The following TCAIM variants were observed in gnomAD, a reference collection of about 807,000 sequenced individuals.
TCAIM encodes the protein T-cell activation inhibitor, mitochondrial.
TCAIM carries 36 observed loss-of-function variants against 58.6 expected under a neutral mutation model. The ratio of observed to expected loss-of-function variants is 0.61; its 90% CI spans 0.47 to 0.81. The LOEUF (loss-of-function observed/expected upper bound fraction) is 0.81. Ranked by LOEUF, TCAIM falls within the 30% of genes least tolerant of loss-of-function variation. The probability of loss-of-function intolerance (pLI) is 0.00; values close to 1 mark genes in which losing one functional copy is unlikely to be tolerated. For missense variants in TCAIM, 466 were observed against 579.6 expected (o/e 0.80, Z 2.01); for synonymous variants, 172 against 193.6 (o/e 0.89, Z 0.93).
chr3:44,383,515 A>G (rs1463714297), intron 5 of TCAIM, among the ~76,000 whole-genome samples: 2 of 152,146 alleles, frequency 1.3e-5, no homozygotes, highest in African/African-American at 2.4e-5. Flanking sequence ...GAGACAGAAA[A>G]TAGAACAGCG....
intron 5 of TCAIM, among the ~76,000 whole-genome samples, chr3:44,380,300 AAG>A (rs1025112263): frequency 4.6e-5 from 7 of 152,296 alleles, no homozygotes; most frequent in East Asian, 1.9e-4. Flanking sequence ...TCTACAATAA[AAG>A]AAATATTTAA....
chr3:44,364,023 G>A (rs958823182), intron 4 of TCAIM, among the ~76,000 whole-genome samples: 14 of 142,132 alleles, frequency 9.8e-5, no homozygotes, highest in Non-Finnish European at 1.8e-4. Context: ...CTGCCTCCCA[G>A]GTTCAAGTGA....
intron 4 of TCAIM, among the ~76,000 whole-genome samples, chr3:44,366,291 CT>C (rs781064809): frequency 0.01 from 1,461 of 144,194 alleles, 20 homozygotes; most frequent in African/African-American, 0.03. Flanking sequence ...AAATCAGTAA[CT>C]TTTTTTTTTT....
chr3:44,350,166 T>A (rs1279692309), intron 1 of TCAIM, among the ~76,000 whole-genome samples: 2 of 151,784 alleles, frequency 1.3e-5, no homozygotes, highest in Non-Finnish European at 2.9e-5. Context: ...TTTTATAGGA[T>A]TTGGGTAGGT....
chr3:44,354,710 T>C, intron 1 of TCAIM, 29 bp from the exon 2 acceptor site: 1 of 1,491,832 alleles, frequency 6.7e-7, no homozygotes, highest in South Asian at 1.2e-5. Flanking sequence ...TTCTACTTGT[T>C]CATTTGTGAT....
rs1701157295 is a variant in TCAIM, at chr3:44,354,683, G to A, written c.-44-56G>A. On this transcript the variant is annotated intron_variant, in intron 1 of 10. Transcript: ENST00000342649. ...TTGGGGTGATAATATAAATCGCAAT[G>A]TGTTTTACATTTAAAATTCTACTTG... is the stretch of plus-strand genomic sequence containing the variant. The A allele has an allele frequency of 2.1e-5, 26 of 1,219,828 alleles. No homozygotes were observed. The South Asian group carries it at 3.2e-4, about 15-fold the overall frequency. 75.6% of individuals were successfully genotyped at this position (1,219,828 alleles called of 1,614,324 possible).
intron 1 of TCAIM, chr3:44,340,753 A>C (rs527501498): frequency 2.0e-5 from 3 of 152,290 alleles, no homozygotes; most frequent in African/African-American, 7.2e-5. Flanking sequence ...CATCCCACCC[A>C]GATTCTGATT....
intron 5 of TCAIM, among the ~76,000 whole-genome samples, chr3:44,369,264 G>A (rs879865792): frequency 1.3e-5 from 2 of 152,126 alleles, no homozygotes; most frequent in Non-Finnish European, 2.9e-5. Flanking sequence ...GAATATTGTT[G>A]TACTTATCTT....
chr3:44,374,700 G>T (rs1280724240), intron 5 of TCAIM, among the ~76,000 whole-genome samples: 1 of 152,156 alleles, frequency 6.6e-6, no homozygotes, highest in Non-Finnish European at 1.5e-5. Context: ...GGTCTAGGCT[G>T]CAGTGATCCA....
chr3:44,352,087 G>A (rs1360302590), intron 1 of TCAIM, among the ~76,000 whole-genome samples: 1 of 146,872 alleles, frequency 6.8e-6, no homozygotes, highest in Non-Finnish European at 1.5e-5. Flanking sequence ...ATGTGTGTGT[G>A]TATATATATA....
chr3:44,339,286 A>G (rs994986659), intron 1 of TCAIM, among the ~76,000 whole-genome samples: 1 of 152,180 alleles, frequency 6.6e-6, no homozygotes, highest in Admixed American at 6.5e-5. Flanking sequence ...GAAACCGTAC[A>G]AGATAGTCAC....
chr3:44,395,808 A>G (rs1043268917), intron 6 of TCAIM, among the ~76,000 whole-genome samples: 3 of 152,214 alleles, frequency 2.0e-5, no homozygotes, highest in Admixed American at 6.5e-5. Flanking sequence ...AACATGGTGA[A>G]ACCCTGTCTC....
chr3:44,341,219 C>T (rs1463830968), intron 1 of TCAIM: 1 of 152,152 alleles, frequency 6.6e-6, no homozygotes, highest in Non-Finnish European at 1.5e-5. Context: ...CCCTATTGCT[C>T]TCTCATTGTT....
intron 8 of TCAIM, among the ~76,000 whole-genome samples, chr3:44,397,389 G>A (rs935285436): frequency 3.0e-4 from 45 of 152,050 alleles, no homozygotes; most frequent in Admixed American, 1.3e-4. Flanking sequence ...GGAATCATAG[G>A]GCTTGCAAAC....
rs1055507446 is a variant in TCAIM, at chr3:44,400,925, A to G, written c.1119-278A>G. 4 of 485,306 alleles carry G rather than the reference A, an allele frequency of 8.2e-6. No homozygotes were observed. The Admixed American group carries it at 1.4e-4, about 17-fold the overall frequency. 30.1% of individuals were successfully genotyped at this position (485,306 alleles called of 1,614,324 possible). A position where few individuals can be genotyped will look rare whatever the true frequency, so the allele number is the denominator to read the frequency against. ...TTGCCGAGCACTGTGCTGGGTACTTATATGCATTCTGTCTTTAGCTCTCAC... is the reference window on the plus strand; with the variant it reads ...TTGCCGAGCACTGTGCTGGGTACTTGTATGCATTCTGTCTTTAGCTCTCAC... On this transcript the variant is annotated intron_variant, in intron 9 of 10. Transcript: ENST00000342649.
intron 4 of TCAIM, among the ~76,000 whole-genome samples, chr3:44,364,706 A>G (rs936022733): frequency 1.3e-5 from 2 of 151,738 alleles, no homozygotes; most frequent in Admixed American, 6.6e-5. Flanking sequence ...GGCAGGCACC[A>G]CTGCACTCCA....
intron 4 of TCAIM, among the ~76,000 whole-genome samples, chr3:44,367,206 G>A (rs1701394198): frequency 6.6e-6 from 1 of 152,194 alleles, no homozygotes; most frequent in Non-Finnish European, 1.5e-5. Flanking sequence ...ACTAGAAAAT[G>A]GAGCTGATGA....
chr3:44,352,733 C>T (rs1251928688), intron 1 of TCAIM, among the ~76,000 whole-genome samples: 1 of 152,064 alleles, frequency 6.6e-6, no homozygotes, highest in South Asian at 2.1e-4. Context: ...ATTTTAGTAT[C>T]GTTCATACAG....
chr3:44,396,659 A>G lies in TCAIM; in HGVS notation c.794-84A>G, dbSNP rs112411276. 2.7e-6 allele frequency: 4 copies of G among 1,492,122 alleles called. No individual in the cohort carries two copies. In the African/African-American group the frequency reaches 4.3e-5, roughly 16 times the overall value. 92.4% of individuals were successfully genotyped at this position (1,492,122 alleles called of 1,614,324 possible). A position where few individuals can be genotyped will look rare whatever the true frequency, so the allele number is the denominator to read the frequency against. On this transcript the variant is annotated intron_variant, in intron 7 of 10. Coordinates refer to ENST00000342649, the MANE Select transcript of TCAIM (RefSeq NM_173826.4). ...AGCCTTTAAGCTTCTACTGAATTTAATCCTGGGTTTATACACTATTTGCAC... is the reference window on the plus strand; with the variant it reads ...AGCCTTTAAGCTTCTACTGAATTTAGTCCTGGGTTTATACACTATTTGCAC...
Sources: gnomAD v4.1 joint callset for allele counts (sites outside exome capture counted in the v4.1 genomes callset) on GRCh38, gnomAD v4.1.1 for gene constraint, MANE v1.5 for transcripts, NCBI Gene and HGNC (gene_info 2026-07-23, HGNC 2026-07-21) for gene names.